The following TECTB variants were observed in gnomAD, a reference collection of about 807,000 sequenced individuals.
TECTB encodes the protein beta-tectorin.
In TECTB, 45 loss-of-function variants were observed where a neutral mutation model predicts 43.3. The ratio of observed to expected loss-of-function variants is 1.04; its 90% CI spans 0.82 to 1.33. The LOEUF (loss-of-function observed/expected upper bound fraction) is 1.33. Among genes scored for constraint, TECTB ranks in the 40% most tolerant of loss-of-function variants. The pLI is 0.00. For synonymous variants in TECTB, 169 were observed against 156.7 expected (o/e 1.08, Z -0.59); for missense variants, 399 against 404.7 (o/e 0.99, Z 0.12).
chr10:112,302,071 C>T, intron 9 of TECTB, 30 bp from the exon 10 acceptor site: 1 of 1,612,524 alleles, frequency 6.2e-7, no homozygotes, highest in Non-Finnish European at 8.5e-7. Context: ...TTTTCTTAAA[C>T]TTTCTGCATT....
At chr10:112,294,384 G>A (rs561442265) in intron 7 of TECTB, among the ~76,000 whole-genome samples, 5 of 152,268 alleles carry the variant, frequency 3.3e-5, no homozygotes, top group African/African-American at 1.2e-4. Flanking sequence ...TTAAATGTGT[G>A]TGTGCGCATG....
At chr10:112,300,271 AAAGAAAGAAAAG>A (rs1309608859) in intron 9 of TECTB, among the ~76,000 whole-genome samples, 198 of 27,936 alleles carry the variant, frequency 7.1e-3, no homozygotes, top group African/African-American at 0.02. Flanking sequence ...AGAAAGAAAG[AAAGAAAGAAAAG>A]AAAGAAAGAA....
At chr10:112,295,509 T>G (rs944342227) in intron 7 of TECTB, among the ~76,000 whole-genome samples, 1 of 152,204 alleles carries the variant, frequency 6.6e-6, no homozygotes, top group African/African-American at 2.4e-5. Context: ...TGTTACCTCC[T>G]GAGTGGCCTG....
chr10:112,286,430 T>C (rs1249496127), intron 5 of TECTB, 39 bp downstream of exon 5: 2 of 1,523,402 alleles, frequency 1.3e-6, no homozygotes, highest in Admixed American at 3.5e-5. Flanking sequence ...CCCTGTGGCC[T>C]TTCCTTTCTA....
chr10:112,302,235 G>A, intron 10 of TECTB, 102 bp downstream of exon 10: 1 of 1,443,756 alleles, frequency 6.9e-7, no homozygotes, highest in South Asian at 1.2e-5. Flanking sequence ...AAACTTTTAA[G>A]GATTGAAAAT....
At chr10:112,284,794 C>T in intron 3 of TECTB, 69 bp downstream of exon 3, 1 of 1,320,538 alleles carries the variant, frequency 7.6e-7, no homozygotes, top group South Asian at 1.9e-5. Flanking sequence ...GAGATGTCTG[C>T]CATCTGTCCT....
In TECTB at chr10:112,284,654, G is replaced by T; in HGVS notation, c.196G>T (p.Gly66Ter). The T allele has an allele frequency of 6.2e-7, 1 of 1,613,534 alleles. No homozygotes were observed. The highest frequency in any genetic ancestry group is 8.5e-7 in the Non-Finnish European group (1 of 1,179,736). ...GCTGTGTTACAATGGGGTCCACGAA[G>T]GAGGTTACTACCAATTTGTGATCCC... ...GGLCYNGVHEGGYYQFVIPDL... is the reference protein window; with the variant it reads ...GGLCYNGVHE Residue 66 changes from glycine (G) to a stop codon, truncating the protein, a stop_gained, in exon 3 of 11, where the codon GGA (glycine) becomes TGA (stop). Coordinates refer to ENST00000646139, the MANE Select transcript of TECTB (RefSeq NM_058222.3). LOFTEE classifies it high-confidence loss of function.
At chr10:112,289,407 T>G (rs1179599599) in intron 5 of TECTB, among the ~76,000 whole-genome samples, 1 of 152,046 alleles carries the variant, frequency 6.6e-6, no homozygotes, top group Non-Finnish European at 1.5e-5. Context: ...AAAACAAGCC[T>G]CCGAGGTGGT....
intron 3 of TECTB, 150 bp from the exon 4 acceptor site, chr10:112,285,921 G>A (rs1848450002): frequency 7.2e-6 from 7 of 972,900 alleles, no homozygotes; most frequent in Admixed American, 2.2e-5. Flanking sequence ...CTCACCCGCA[G>A]ACAAGAAGAG....
chr10:112,285,768 G>C (rs569893239), intron 3 of TECTB, among the ~76,000 whole-genome samples: 1 of 152,278 alleles, frequency 6.6e-6, no homozygotes, highest in Admixed American at 6.5e-5. Context: ...AGTTGACTTT[G>C]GGAAACAGAG....
Position 112,298,119 on chromosome 10 carries a change from G to C in TECTB, c.722G>C (p.Arg241Thr). The change falls in exon 8 of 11, where the codon AGG becomes ACG. Residue 241 changes from arginine (R) to threonine (T), a missense_variant. Transcript: ENST00000646139. ...GTGCATGAGAATGGGAGAGATCACAGGGCAACCTTCCAATTCAATGCTTTC... is the reference window on the plus strand; with the variant it reads ...GTGCATGAGAATGGGAGAGATCACACGGCAACCTTCCAATTCAATGCTTTC... ...VLVHENGRDH[R>T]ATFQFNAFRF... 1 of 1,614,186 alleles carries C rather than the reference G, an allele frequency of 6.2e-7. No homozygotes were observed. The highest frequency in any genetic ancestry group is 8.5e-7 in the Non-Finnish European group (1 of 1,180,038).
rs376864518 is a variant in TECTB, at chr10:112,298,210, T to A, written c.813T>A (p.Ser271Arg). The change falls in exon 8 of 11, where the codon AGT (serine) becomes AGA (arginine). Residue 271 changes from serine (S) to arginine (R), a missense_variant. By Grantham distance (110) the Ser-to-Arg change is moderately radical. Transcript: ENST00000646139. ...WLHCETFICDSEKLSCPVTCD... is the reference protein window; with the variant it reads ...WLHCETFICDREKLSCPVTCD... ...ACTGTGAGACGTTCATCTGCGACAG[T>A]GAGAAACTCTCCTGCCCAGTGGTGA... The A allele has an allele frequency of 6.2e-7, 1 of 1,613,934 alleles. No individual in the cohort carries two copies. The highest frequency in any genetic ancestry group is 1.3e-5 in the African/African-American group (1 of 74,940).
At chr10:112,299,929 G>A (rs556170854) in intron 9 of TECTB, among the ~76,000 whole-genome samples, 102 of 151,960 alleles carry the variant, frequency 6.7e-4, no homozygotes, top group African/African-American at 2.4e-3. Context: ...TTGGGAGGCC[G>A]AGGTGGGCAG....
intron 3 of TECTB, 22 bp downstream of exon 3, chr10:112,284,747 C>T: frequency 2.0e-6 from 3 of 1,495,450 alleles, no homozygotes; most frequent in Non-Finnish European, 1.8e-6. Context: ...CCACACAGTG[C>T]AGAGTTGTTT....
intron 5 of TECTB, among the ~76,000 whole-genome samples, chr10:112,288,939 T>C (rs1848476488): frequency 6.6e-6 from 1 of 152,218 alleles, no homozygotes; most frequent in Non-Finnish European, 1.5e-5. Context: ...GTGCTGTGGT[T>C]AAGAAAATGG....
chr10:112,290,466 C>T, intron 5 of TECTB, among the ~76,000 whole-genome samples: 1 of 152,160 alleles, frequency 6.6e-6, no homozygotes. Context: ...TGTTCTATTT[C>T]AGAAACTGAA....
At chr10:112,288,001 A>G (rs1027585425) in intron 5 of TECTB, among the ~76,000 whole-genome samples, 4 of 152,168 alleles carry the variant, frequency 2.6e-5, no homozygotes, top group Admixed American at 1.3e-4. Flanking sequence ...GGCTAAATAC[A>G]GCATGGGCCA....
intron 10 of TECTB, 88 bp downstream of exon 10, chr10:112,302,221 G>A (rs10749114): frequency 0.92 from 1,401,656 of 1,530,396 alleles, 643,114 homozygotes; most frequent in African/African-American, 0.99. Context: ...CTTTGGCCCC[G>A]GCAAAACTTT....
At chr10:112,290,361 G>A (rs532019416) in intron 5 of TECTB, among the ~76,000 whole-genome samples, 284 of 152,288 alleles carry the variant, frequency 1.9e-3, no homozygotes, top group Non-Finnish European at 3.5e-3. Flanking sequence ...TCTGGAATAG[G>A]TTTCTAATTT....
Sources: gnomAD v4.1 joint callset for allele counts (sites outside exome capture counted in the v4.1 genomes callset) on GRCh38, gnomAD v4.1.1 for gene constraint, MANE v1.5 for transcripts, NCBI Gene and HGNC (gene_info 2026-07-23, HGNC 2026-07-21) for gene names.